Variants in AASDHPPT observed in about 807,000 individuals in gnomAD.
The protein encoded by AASDHPPT is aminoadipate-semialdehyde dehydrogenase-phosphopantetheinyl transferase.
Under a neutral mutation model 36.4 loss-of-function variants are expected in AASDHPPT, and 23 were observed. The observed-to-expected ratio is 0.63, with a 90% CI of 0.45 to 0.89. The LOEUF (loss-of-function observed/expected upper bound fraction) is 0.89. AASDHPPT is among the 40% of genes least tolerant of loss of function. The pLI is 0.00. For missense variants in AASDHPPT, 377 were observed against 378.2 expected (o/e 1.00, Z 0.03); for synonymous variants, 115 against 128.0 (o/e 0.90, Z 0.68).
chr11:106,090,555 A>G lies in AASDHPPT; in HGVS notation c.410-2A>G, dbSNP rs1861244888. 1 of 1,565,564 alleles carries G rather than the reference A, an allele frequency of 6.4e-7. No individual in the cohort carries two copies. Among genetic ancestry groups the G allele is most frequent in the Admixed American group, 2.1e-5 (1 of 46,580 alleles). On this transcript the variant is annotated splice_acceptor_variant, in intron 2 of 5. Coordinates refer to ENST00000278618, the MANE Select transcript of AASDHPPT (RefSeq NM_015423.3). LOFTEE classifies it high-confidence loss of function. ...TTTAATTTTTTATTTCTTAATTGGCAGGTCGTGGTTCAATTCCAGAATTCT... is the reference window on the plus strand; with the variant it reads ...TTTAATTTTTTATTTCTTAATTGGCGGGTCGTGGTTCAATTCCAGAATTCT...
chr11:106,091,091 G>T (rs894003215), intron 3 of AASDHPPT, among the ~76,000 whole-genome samples: 1 of 151,912 alleles, frequency 6.6e-6, no homozygotes, highest in South Asian at 2.1e-4. Context: ...TATCATCATC[G>T]CAGGTTACAT....
intron 2 of AASDHPPT, among the ~76,000 whole-genome samples, chr11:106,088,390 A>G (rs1861218951): frequency 6.6e-6 from 1 of 152,112 alleles, no homozygotes; most frequent in African/African-American, 2.4e-5. Flanking sequence ...TTTTAAATGC[A>G]GATTTTTTGG....
intron 2 of AASDHPPT, among the ~76,000 whole-genome samples, chr11:106,084,308 C>G (rs949962404): frequency 1.3e-5 from 2 of 152,142 alleles, no homozygotes; most frequent in Non-Finnish European, 2.9e-5. Flanking sequence ...TTATAGTACT[C>G]TATCCAAAAT....
In AASDHPPT at chr11:106,098,006, T is replaced by C. The variant is rs756193564; in HGVS notation, c.*1099T>C. 18 of 152,130 alleles carry C rather than the reference T, an allele frequency of 1.2e-4. No homozygotes were observed. The highest frequency in any genetic ancestry group is 1.9e-4 in the Non-Finnish European group (13 of 67,994). 9.4% of individuals were successfully genotyped at this position (152,130 alleles called of 1,614,324 possible). On this transcript the variant is annotated 3_prime_UTR_variant, in exon 6 of 6. Transcript: ENST00000278618. ...ATGCTTAATTATGTCCTTGAGAAAG[T>C]TTCTAAAAGTGGAATGATTGGTTTG...
chr11:106,084,420 ATTAG>A (rs1186991774), intron 2 of AASDHPPT, among the ~76,000 whole-genome samples: 1 of 152,098 alleles, frequency 6.6e-6, no homozygotes, highest in Non-Finnish European at 1.5e-5. Flanking sequence ...TAATAAAAGA[ATTAG>A]TTAGGTCTAT....
At chr11:106,079,814 G>A in intron 2 of AASDHPPT, 122 bp downstream of exon 2, 1 of 773,420 alleles carries the variant, frequency 1.3e-6, no homozygotes, top group Non-Finnish European at 2.1e-6. Flanking sequence ...AATGTGCTTA[G>A]TACACAAAGG....
At chr11:106,095,126 A>G (rs1231594352) in intron 5 of AASDHPPT, among the ~76,000 whole-genome samples, 2 of 152,218 alleles carry the variant, frequency 1.3e-5, no homozygotes, top group Admixed American at 6.5e-5. Context: ...CTCCGTCTCA[A>G]AAAAAAGAAA....
intron 3 of AASDHPPT, among the ~76,000 whole-genome samples, chr11:106,091,091 G>A (rs894003215): frequency 9.9e-5 from 15 of 151,910 alleles, no homozygotes; most frequent in African/African-American, 3.1e-4. Context: ...TATCATCATC[G>A]CAGGTTACAT....
At chr11:106,078,751 A>G (rs1172963462) in intron 1 of AASDHPPT, among the ~76,000 whole-genome samples, 2 of 152,256 alleles carry the variant, frequency 1.3e-5, no homozygotes, top group African/African-American at 4.8e-5. Context: ...TGAAGAAGAA[A>G]AAAACCTGAA....
Position 106,091,342 on chromosome 11 carries a change from C to T in AASDHPPT, c.558C>T (p.Ala186=). ...CACTTAAGGAAAGCTTCATAAAAGC[C>T]ATTGGTGTTGGACTAGGATTTGAAT... The part of the protein sequence containing the change: ...NWALKESFIK[A]IGVGLGFELQ... The change falls in exon 4 of 6, where the codon GCC becomes GCT. Residue 186 remains alanine (A), a synonymous_variant. Coordinates refer to ENST00000278618, the MANE Select transcript of AASDHPPT (RefSeq NM_015423.3). 1 of 1,602,402 alleles carries T rather than the reference C, an allele frequency of 6.2e-7. No individual in the cohort carries two copies. Among genetic ancestry groups the T allele is most frequent in the South Asian group, 1.1e-5 (1 of 88,376 alleles).
intron 2 of AASDHPPT, among the ~76,000 whole-genome samples, chr11:106,088,581 C>T (rs1008141267): frequency 1.3e-5 from 2 of 152,060 alleles, no homozygotes; most frequent in African/African-American, 4.8e-5. Context: ...TCCAGATTTA[C>T]TTTTGTTACT....
chr11:106,091,246 T>C lies in AASDHPPT; in HGVS notation c.532-70T>C, dbSNP rs1861253831. 2.9e-6 allele frequency: 4 copies of C among 1,371,574 alleles called. No homozygotes were observed. In the East Asian group the frequency reaches 9.4e-5, roughly 32 times the overall value. The allele number at this position is 1,371,574 out of a possible 1,614,324, so 85.0% of individuals were successfully genotyped here. ...TATAGCATTGAAACTCCCTATCTTT[T>C]GGACCTGTAGATTCTATGAAAAATT... On this transcript the variant is annotated intron_variant, in intron 3 of 5. Transcript: ENST00000278618.
At chr11:106,085,623 A>G (rs1861189965) in intron 2 of AASDHPPT, among the ~76,000 whole-genome samples, 1 of 152,228 alleles carries the variant, frequency 6.6e-6, no homozygotes, top group African/African-American at 2.4e-5. Flanking sequence ...TGGGAAAACC[A>G]CTTAAGCCTT....
chr11:106,089,993 G>A (rs921030795), intron 2 of AASDHPPT, among the ~76,000 whole-genome samples: 2 of 151,886 alleles, frequency 1.3e-5, no homozygotes, highest in African/African-American at 2.4e-5. Context: ...TTTTGAAGAA[G>A]GTATTAATTT....
chr11:106,085,284 G>A (rs1391094361), intron 2 of AASDHPPT, among the ~76,000 whole-genome samples: 2 of 151,976 alleles, frequency 1.3e-5, no homozygotes, highest in Non-Finnish European at 2.9e-5. Context: ...TGTATTTTTA[G>A]TAGAGATGGG....
At chr11:106,085,303 G>A (rs1861186940) in intron 2 of AASDHPPT, among the ~76,000 whole-genome samples, 3 of 151,814 alleles carry the variant, frequency 2.0e-5, no homozygotes, top group Non-Finnish European at 4.4e-5. Flanking sequence ...GGGTTTCACT[G>A]TGTTAGCCAG....
Position 106,077,738 on chromosome 11 carries a change from T to C in AASDHPPT, c.28T>C (p.Leu10=), listed in dbSNP as rs748434117. 2.5e-6 allele frequency: 4 copies of C among 1,614,110 alleles called. No individual in the cohort carries two copies. Among genetic ancestry groups the C allele is most frequent in the Non-Finnish European group, 3.4e-6 (4 of 1,179,984 alleles). ...GGTTTTCCCTGCCAAACGGTTCTGC[T>C]TGGTGCCATCCATGGAGGGCGTGCG... MVFPAKRFC[L]VPSMEGVRWA... is the part of the protein sequence containing the mutation. The change falls in exon 1 of 6, where the codon TTG becomes CTG. Residue 10 remains leucine (L), a synonymous_variant. Coordinates refer to ENST00000278618, the MANE Select transcript of AASDHPPT (RefSeq NM_015423.3).
intron 2 of AASDHPPT, among the ~76,000 whole-genome samples, chr11:106,083,551 G>C (rs1401622109): frequency 6.6e-6 from 1 of 152,112 alleles, no homozygotes; most frequent in Non-Finnish European, 1.5e-5. Flanking sequence ...TATAGTAAGG[G>C]TCTTGCCTTA....
chr11:106,084,371 A>C (rs1009831681), intron 2 of AASDHPPT, among the ~76,000 whole-genome samples: 7 of 152,216 alleles, frequency 4.6e-5, no homozygotes, highest in South Asian at 2.1e-4. Flanking sequence ...TGGTTAAATA[A>C]ATTAATGGTG....
Sources: gnomAD v4.1 joint callset for allele counts (sites outside exome capture counted in the v4.1 genomes callset) on GRCh38, gnomAD v4.1.1 for gene constraint, MANE v1.5 for transcripts, NCBI Gene and HGNC (gene_info 2026-07-23, HGNC 2026-07-21) for gene names.